TMEM207: variants seen among roughly 807,000 people sequenced by gnomAD.
TMEM207 encodes SRSR846.
A neutral mutation model predicts 17.4 loss-of-function variants in TMEM207; 15 were observed. That is an observed-to-expected ratio of 0.86 (90% CI 0.58 to 1.33). TMEM207 has a LOEUF of 1.33. TMEM207 is among the 40% of genes most tolerant of loss of function. The pLI is 0.00. For synonymous variants in TMEM207, 70 were observed against 65.6 expected (o/e 1.07, Z -0.33); for missense variants, 205 against 173.8 (o/e 1.18, Z -1.01).
At chr3:190,443,145 C>CTTTTTTTTTTTTTTTTTTTTT (rs201791052) in intron 2 of TMEM207, among the ~76,000 whole-genome samples, 5 of 140,386 alleles carry the variant, frequency 3.6e-5, no homozygotes, top group African/African-American at 5.2e-5. Flanking sequence ...ATTAAAAAAG[C>CTTTTTTTTTTTTTTTTTTTTT]TTTTTTTTTT....
intron 3 of TMEM207, among the ~76,000 whole-genome samples, chr3:190,440,886 G>A (rs906862345): frequency 1.3e-5 from 2 of 152,162 alleles, no homozygotes; most frequent in Admixed American, 1.3e-4. Flanking sequence ...GGCTAACACG[G>A]TGAAACCCCG....
At chr3:190,445,672 C>T (rs1391647440) in intron 2 of TMEM207, among the ~76,000 whole-genome samples, 3 of 152,046 alleles carry the variant, frequency 2.0e-5, no homozygotes, top group East Asian at 1.9e-4. Context: ...ATTACAGGTG[C>T]GTGCCACCAT....
At chr3:190,444,767 C>A (rs57184494) in intron 2 of TMEM207, among the ~76,000 whole-genome samples, 24,959 of 152,076 alleles carry the variant, frequency 0.16, 2,152 homozygotes, top group Middle Eastern at 0.22. Context: ...AAAATTCAAG[C>A]TATGAGGCCT....
chr3:190,428,905 C>T lies in TMEM207; in HGVS notation c.*690G>A, dbSNP rs759022361. The T allele has an allele frequency of 6.6e-6, 1 of 152,130 alleles. No homozygotes were observed. Among genetic ancestry groups the T allele is most frequent in the Non-Finnish European group, 1.5e-5 (1 of 68,042 alleles). The allele number at this position is 152,130 out of a possible 1,614,324, so 9.4% of individuals were successfully genotyped here. A position where few individuals can be genotyped will look rare whatever the true frequency, so the allele number is the denominator to read the frequency against. On this transcript the variant is annotated 3_prime_UTR_variant, in exon 5 of 5. Transcript: ENST00000354905. ...GAGAAACACTATGGACTATGGAGGC[C>T]ACATTCATTACTGTAAAAGGGGAAC... is the stretch of plus-strand genomic sequence containing the variant.
chr3:190,440,871 A>C (rs1719919220), intron 3 of TMEM207, among the ~76,000 whole-genome samples: 1 of 152,174 alleles, frequency 6.6e-6, no homozygotes, highest in Non-Finnish European at 1.5e-5. Flanking sequence ...GATCGAGAAC[A>C]TCCTGGCTAA....
At chr3:190,430,093 T>G (rs1276907638) in intron 4 of TMEM207, among the ~76,000 whole-genome samples, 2 of 152,174 alleles carry the variant, frequency 1.3e-5, no homozygotes, top group Non-Finnish European at 2.9e-5. Flanking sequence ...GTAAATTGCA[T>G]TAGAAAAATT....
At chr3:190,438,377 C>T (rs576734168) in intron 4 of TMEM207, among the ~76,000 whole-genome samples, 6 of 151,364 alleles carry the variant, frequency 4.0e-5, no homozygotes, top group Non-Finnish European at 7.4e-5. Context: ...TCAGTGCTAG[C>T]ACATGCAGAT....
intron 2 of TMEM207, among the ~76,000 whole-genome samples, chr3:190,447,545 CA>C (rs2108539982): frequency 6.6e-6 from 1 of 151,974 alleles, no homozygotes; most frequent in East Asian, 1.9e-4. Context: ...ATTCAGTGTG[CA>C]AAAATATCTA....
At chr3:190,442,597 CT>C (rs1009010174) in intron 2 of TMEM207, among the ~76,000 whole-genome samples, 4 of 151,952 alleles carry the variant, frequency 2.6e-5, no homozygotes, top group African/African-American at 9.7e-5. Flanking sequence ...GCGTCTTTTT[CT>C]TTTGTCTGTT....
Position 190,440,395 on chromosome 3 carries a change from T to C in TMEM207, c.159-6A>G. 6.2e-7 allele frequency: 1 copy of C among 1,605,614 alleles called. No individual in the cohort carries two copies. The highest frequency in any genetic ancestry group is 2.2e-5 in the East Asian group (1 of 44,764). On this transcript the variant is annotated splice_region_variant and splice_polypyrimidine_tract_variant and intron_variant, in intron 3 of 4. Transcript: ENST00000354905. Reference sequence around the variant, plus strand: ...AAACCAGCAGCAGGAGGATCCTGACTCCAAAAGTAACCGAGAAAAGAATGA... The same window carrying C: ...AAACCAGCAGCAGGAGGATCCTGACCCCAAAAGTAACCGAGAAAAGAATGA...
Position 190,444,391 on chromosome 3 carries a change from G to C in TMEM207, c.114-2909C>G, listed in dbSNP as rs748824298. The C allele has an allele frequency of 9.1e-6, 9 of 983,752 alleles. No homozygotes were observed. The African/African-American group carries it at 1.6e-4, about 17-fold the overall frequency. 60.9% of individuals were successfully genotyped at this position (983,752 alleles called of 1,614,324 possible). The stretch of plus-strand genomic sequence containing the variant: ...AGTTCATGTCTCTTATCACCATGTC[G>C]TGGTGCGACTGGGACAGTAATAGCC... On this transcript the variant is annotated intron_variant, in intron 2 of 4. Coordinates refer to ENST00000354905, the MANE Select transcript of TMEM207 (RefSeq NM_207316.3).
chr3:190,438,990 C>G (rs1003648642), intron 4 of TMEM207, among the ~76,000 whole-genome samples: 16 of 151,606 alleles, frequency 1.1e-4, no homozygotes, highest in African/African-American at 1.7e-4. Flanking sequence ...GAGATCGAGA[C>G]CACGGTGAAA....
At chr3:190,442,779 G>A (rs536179127) in intron 2 of TMEM207, among the ~76,000 whole-genome samples, 2 of 151,808 alleles carry the variant, frequency 1.3e-5, no homozygotes, top group South Asian at 4.2e-4. Flanking sequence ...TACTTACAAG[G>A]GAATATTATT....
rs900184153 is a variant in TMEM207 at position 190,428,764 on chromosome 3, C to T, written c.*831G>A. ...TCTGTCCCCCTGCTGATGGCCACTG[C>T]CAAAATGCCACTTGAAGATGTCTCA... On this transcript the variant is annotated 3_prime_UTR_variant, in exon 5 of 5. Coordinates refer to ENST00000354905, the MANE Select transcript of TMEM207 (RefSeq NM_207316.3). 6.6e-6 allele frequency: 1 copy of T among 152,164 alleles called. No homozygotes were observed. The highest frequency in any genetic ancestry group is 2.4e-5 in the African/African-American group (1 of 41,444). 9.4% of individuals were successfully genotyped at this position (152,164 alleles called of 1,614,324 possible).
chr3:190,447,697 C>CA, intron 2 of TMEM207, 93 bp downstream of exon 2: 2 of 1,287,476 alleles, frequency 1.6e-6, no homozygotes, highest in South Asian at 2.8e-5. Flanking sequence ...ATTTGAAACT[C>CA]AACTGGGCTT....
At chr3:190,435,072 TTC>T (rs201716166) in intron 4 of TMEM207, among the ~76,000 whole-genome samples, 5,290 of 152,262 alleles carry the variant, frequency 0.035, 298 homozygotes, top group African/African-American at 0.12. Context: ...CTCTTCTTCG[TTC>T]TCTGACAGCC....
Position 190,429,463 on chromosome 3 carries a change from C to A in TMEM207, c.*132G>T. 2 of 1,307,116 alleles carry A rather than the reference C, an allele frequency of 1.5e-6. No homozygotes were observed. Among genetic ancestry groups the A allele is most frequent in the East Asian group, 5.2e-5 (2 of 38,574 alleles). 81.0% of individuals were successfully genotyped at this position (1,307,116 alleles called of 1,614,324 possible). ...TTTTTTCCAACATCCATTCTTTTGT[C>A]GAATTGTCCTTCCTCAGACTATATG... On this transcript the variant is annotated 3_prime_UTR_variant, in exon 5 of 5. Transcript: ENST00000354905.
intron 4 of TMEM207, 75 bp downstream of exon 4, chr3:190,440,169 G>T: frequency 6.6e-7 from 1 of 1,516,070 alleles, no homozygotes; most frequent in Non-Finnish European, 8.9e-7. Context: ...ATCTGCTTTT[G>T]GGAGAACAGT....
At chr3:190,432,815 C>T (rs1464929733) in intron 4 of TMEM207, among the ~76,000 whole-genome samples, 4 of 152,096 alleles carry the variant, frequency 2.6e-5, no homozygotes, top group Non-Finnish European at 5.9e-5. Flanking sequence ...AAGATTATCC[C>T]TGAAACTGCA....
Sources: allele counts gnomAD v4.1 joint callset (sites outside exome capture counted in the v4.1 genomes callset), GRCh38; gene constraint gnomAD v4.1.1; transcripts MANE v1.5; gene names NCBI Gene and HGNC (gene_info 2026-07-23, HGNC 2026-07-21).